Variants in PAG1 observed in about 807,000 individuals in gnomAD.
PAG1 encodes phosphoprotein membrane anchor with glycosphingolipid microdomains 1.
PAG1 carries 23 observed loss-of-function variants against 31.7 expected under a neutral mutation model. The ratio of observed to expected loss-of-function variants is 0.73; its 90% CI spans 0.52 to 1.03. The LOEUF (loss-of-function observed/expected upper bound fraction) is 1.03. PAG1 is among the 50% of genes least tolerant of loss of function. The pLI is 0.00. For missense variants in PAG1, 473 were observed against 540.7 expected, an observed-to-expected ratio of 0.87 and a Z score of 1.24; for synonymous variants, 214 against 210.3, an observed-to-expected ratio of 1.02 and a Z score of -0.15.
Position 81,021,720 on chromosome 8 carries a change from T to C in PAG1, c.-81+8276A>G, listed in dbSNP as rs75783868. Among the ~76,000 whole-genome samples, 277 of 152,046 alleles carry C rather than the reference T, an allele frequency of 1.8e-3. 3 individuals are homozygous for C. The East Asian group carries it at 0.045, about 25-fold the overall frequency. ...TGTGGTTTCAATTATGAGGAAAACA[T>C]TGTGGATTAAAGGAAGGTTAGGTTA... On this transcript the variant is annotated intron_variant, in intron 3 of 8. Transcript: ENST00000220597.
At chr8:81,043,411 C>T (rs143666300) in intron 2 of PAG1, among the ~76,000 whole-genome samples, 10 of 152,242 alleles carry the variant, frequency 6.6e-5, no homozygotes, top group South Asian at 2.1e-4. Flanking sequence ...ATACAAAAAT[C>T]GAAAGAGTCT....
chr8:81,078,624 C>T (rs1045788029), intron 1 of PAG1, among the ~76,000 whole-genome samples: 6 of 152,112 alleles, frequency 3.9e-5, no homozygotes, highest in African/African-American at 1.4e-4. Flanking sequence ...CTTATTTTCC[C>T]TAAATTTCTT....
At position 80,973,170 on chromosome 8, in the gene PAG1, G is replaced by A. The variant is rs1445792683; in HGVS notation, c.*3374C>T. On this transcript the variant is annotated 3_prime_UTR_variant, in exon 9 of 9. Coordinates refer to ENST00000220597, the MANE Select transcript of PAG1 (RefSeq NM_018440.4). ...AGAAAGAATAGTGGTAGCTTCAAAA[G>A]CTTCAACAGACCTAATGATGTAATT... The A allele has an allele frequency of 6.6e-6, 1 of 151,880 alleles. No individual in the cohort carries two copies. Among genetic ancestry groups the A allele is most frequent in the East Asian group, 1.9e-4 (1 of 5,196 alleles). The allele number at this position is 151,880 out of a possible 1,614,324, so 9.4% of individuals were successfully genotyped here.
At chr8:81,089,335 G>C (rs1384559028) in intron 1 of PAG1, among the ~76,000 whole-genome samples, 1 of 152,198 alleles carries the variant, frequency 6.6e-6, no homozygotes, top group South Asian at 2.1e-4. Context: ...TTTGGGGGCT[G>C]AGGTGGGAGG....
intron 2 of PAG1, among the ~76,000 whole-genome samples, chr8:81,066,413 C>T (rs1479810166): frequency 1.3e-5 from 2 of 152,064 alleles, no homozygotes; most frequent in Admixed American, 6.6e-5. Flanking sequence ...TGTGCCTGCA[C>T]CACAGATTTA....
At position 81,074,507 on chromosome 8, in the gene PAG1, A is replaced by G. The variant is rs138794886; in HGVS notation, c.-233-4337T>C. On this transcript the variant is annotated intron_variant, in intron 1 of 8. Coordinates refer to ENST00000220597, the MANE Select transcript of PAG1 (RefSeq NM_018440.4). ...CCACAAATGGTTGGAGTTAAGGCAC[A>G]GGGGATAGAAGACAGAAGGTGGTGA... is the stretch of plus-strand genomic sequence containing the variant. Among the ~76,000 whole-genome samples the G allele has an allele frequency of 2.0e-3, 302 of 152,316 alleles. 4 individuals carry two copies. The highest frequency in any genetic ancestry group is 6.8e-3 in the African/African-American group (281 of 41,570).
At chr8:81,052,303 G>GCTTA (rs1471754327) in intron 2 of PAG1, among the ~76,000 whole-genome samples, 3 of 152,122 alleles carry the variant, frequency 2.0e-5, no homozygotes, top group Non-Finnish European at 4.4e-5. Context: ...GCCACCTCTA[G>GCTTA]CTTAGGTGGG....
chr8:80,987,070 T>C (rs921376181), intron 6 of PAG1, among the ~76,000 whole-genome samples: 7 of 152,206 alleles, frequency 4.6e-5, no homozygotes, highest in African/African-American at 1.7e-4. Context: ...TACAGAGTAG[T>C]GTTATTATTA....
chr8:81,061,110 T>C (rs752541590), intron 2 of PAG1, among the ~76,000 whole-genome samples: 5 of 152,194 alleles, frequency 3.3e-5, no homozygotes, highest in African/African-American at 4.8e-5. Flanking sequence ...TTCCCAGACA[T>C]AACAAGATTA....
At chr8:81,029,055 T>C (rs1221614114) in intron 3 of PAG1, among the ~76,000 whole-genome samples, 6 of 152,198 alleles carry the variant, frequency 3.9e-5, no homozygotes, top group Non-Finnish European at 4.4e-5. Flanking sequence ...TCATATGTTT[T>C]TGCATTTCTG....
rs574199357 is a variant in PAG1, at chr8:81,079,930, G to A, written c.-233-9760C>T. ...ACTAAAGGCACATACCCCCATGCCC[G>A]GATAATTTTTAAAATTTTTTGTAGA... On this transcript the variant is annotated intron_variant, in intron 1 of 8. Coordinates refer to ENST00000220597, the MANE Select transcript of PAG1 (RefSeq NM_018440.4). 2.4e-4 allele frequency among the ~76,000 whole-genome samples: 36 copies of A among 151,830 alleles called. 1 individual carries two copies. Among genetic ancestry groups the A allele is most frequent in the Admixed American group, 1.2e-3 (19 of 15,226 alleles).
rs1039139343 is a variant in PAG1 at position 81,083,274 on chromosome 8, C to T, written c.-233-13104G>A. Among the ~76,000 whole-genome samples the T allele has an allele frequency of 3.9e-5, 6 of 152,104 alleles. 1 individual carries two copies. In the South Asian group the frequency reaches 1.2e-3, roughly 32 times the overall value. On this transcript the variant is annotated intron_variant, in intron 1 of 8. Coordinates refer to ENST00000220597, the MANE Select transcript of PAG1 (RefSeq NM_018440.4). ...GTGTTTCTGGTTCCCACATGATGTC[C>T]ACTAACACCACCCCAGTTGGAGAGG...
chr8:81,091,464 AC>A (rs1302175835), intron 1 of PAG1, among the ~76,000 whole-genome samples: 2 of 152,186 alleles, frequency 1.3e-5, no homozygotes, highest in African/African-American at 2.4e-5. Flanking sequence ...CAATGTACTT[AC>A]ACAAACCTAG....
At position 81,012,393 on chromosome 8, in the gene PAG1, CA is replaced by C. The variant is rs1808000435; in HGVS notation, c.-81+17602del. Reference sequence around the variant, plus strand: ...GCATGTCAGCTCCATTCAGTATCTTCAGTATTTCAGATTGCCATTCAGCATA... The same window carrying C: ...GCATGTCAGCTCCATTCAGTATCTTCGTATTTCAGATTGCCATTCAGCATA... On this transcript the variant is annotated intron_variant, in intron 3 of 8. Transcript: ENST00000220597. Among the ~76,000 whole-genome samples, 3 of 152,350 alleles carry C rather than the reference CA, an allele frequency of 2.0e-5. No homozygotes were observed. In the East Asian group the frequency reaches 5.8e-4, roughly 29 times the overall value.
chr8:81,090,786 C>T (rs1176200005), intron 1 of PAG1, among the ~76,000 whole-genome samples: 1 of 152,132 alleles, frequency 6.6e-6, no homozygotes, highest in African/African-American at 2.4e-5. Context: ...GATCACACAG[C>T]AGAATGCAAG....
intron 3 of PAG1, among the ~76,000 whole-genome samples, chr8:81,027,018 C>CT (rs894702968): frequency 1.3e-4 from 20 of 149,796 alleles, no homozygotes; most frequent in African/African-American, 3.7e-4. Flanking sequence ...TATTTCTATA[C>CT]TTTTTTTTTT....
Position 80,970,784 on chromosome 8 carries a change from G to A in PAG1, c.*5760C>T, listed in dbSNP as rs1256810134. 6.5e-6 allele frequency: 1 copy of A among 153,110 alleles called. No homozygotes were observed. Among genetic ancestry groups the A allele is most frequent in the East Asian group, 1.9e-4 (1 of 5,210 alleles). 9.5% of individuals were successfully genotyped at this position (153,110 alleles called of 1,614,324 possible). On this transcript the variant is annotated 3_prime_UTR_variant, in exon 9 of 9. Coordinates refer to ENST00000220597, the MANE Select transcript of PAG1 (RefSeq NM_018440.4). ...AGCATCTGCCGCCCTAGGTGGACCT[G>A]TGGCCTCATCTTGGCAGCCTGTGAG... is the stretch of plus-strand genomic sequence containing the variant.
At chr8:81,079,141 T>A (rs957670072) in intron 1 of PAG1, among the ~76,000 whole-genome samples, 5 of 151,918 alleles carry the variant, frequency 3.3e-5, no homozygotes, top group African/African-American at 1.2e-4. Flanking sequence ...ACAGATTCCA[T>A]CCCAAGCAGC....
At chr8:81,095,954 T>C (rs1341349938) in intron 1 of PAG1, among the ~76,000 whole-genome samples, 1 of 152,212 alleles carries the variant, frequency 6.6e-6, no homozygotes, top group Non-Finnish European at 1.5e-5. Flanking sequence ...ACGGACTCCA[T>C]TAAAGAAGGC....
Sources: allele counts gnomAD v4.1 joint callset (sites outside exome capture counted in the v4.1 genomes callset), GRCh38; gene constraint gnomAD v4.1.1; transcripts MANE v1.5; gene names NCBI Gene and HGNC (gene_info 2026-07-23, HGNC 2026-07-21).